The following MRM3 variants were observed in gnomAD, a reference collection of about 807,000 sequenced individuals.
MRM3 encodes mitochondrial rRNA methyltransferase 3.
In MRM3, 26 loss-of-function variants were observed where a neutral mutation model predicts 29.4. The ratio of observed to expected loss-of-function variants is 0.89; its 90% confidence interval spans 0.65 to 1.23. MRM3 has a LOEUF of 1.23. Ranked by LOEUF, MRM3 falls within the 50% of genes most tolerant of loss-of-function variation. The probability of loss-of-function intolerance (pLI) is 0.00; values close to 1 mark genes in which losing one functional copy is unlikely to be tolerated. For missense variants in MRM3, 578 were observed against 540.2 expected, an observed-to-expected ratio of 1.07 and a Z score of -0.69; for synonymous variants, 225 against 219.0, an observed-to-expected ratio of 1.03 and a Z score of -0.24.
chr17:785,908 C>T (rs1910510210), intron 2 of MRM3, among the ~76,000 whole-genome samples: 1 of 152,122 alleles, frequency 6.6e-6, no homozygotes, highest in South Asian at 2.1e-4. Flanking sequence ...GTTGTAGAAA[C>T]AAGACAGTTA....
At position 787,782 on chromosome 17, in the gene MRM3, C is replaced by T. The variant is rs1252390868; in HGVS notation, c.560-183C>T. Among the ~76,000 whole-genome samples the T allele has an allele frequency of 6.6e-6, 1 of 152,234 alleles. No homozygotes were observed. The highest frequency in any genetic ancestry group is 2.4e-5 in the African/African-American group (1 of 41,454). On this transcript the variant is annotated intron_variant, in intron 2 of 3. Transcript: ENST00000304478. The surrounding 1 kb of genome is among the most constrained non-coding windows in gnomAD (Gnocchi z 4.1). Reference sequence around the variant, plus strand: ...CAGGCTGGTCTCGGACTCCTGACCTCAGGTGATCCACCCGCCTTGGCCTCC... The same window carrying T: ...CAGGCTGGTCTCGGACTCCTGACCTTAGGTGATCCACCCGCCTTGGCCTCC...
chr17:790,460 G>T, intron 3 of MRM3: 1 of 171,894 alleles, frequency 5.8e-6, no homozygotes, highest in Non-Finnish European at 1.3e-5. Flanking sequence ...GGCCTCCTCC[G>T]TGTTGGCCTG....
Position 782,438 on chromosome 17 carries a change from G to A in MRM3, c.60G>A (p.Gln20=). 1 of 1,614,002 alleles carries A rather than the reference G, an allele frequency of 6.2e-7. No individual in the cohort carries two copies. The highest frequency in any genetic ancestry group is 8.5e-7 in the Non-Finnish European group (1 of 1,179,984). ...FVVRPLLQVV[Q]AWDLDARRWV... is the part of the protein sequence containing the mutation. ...TGCGACCGTTGCTGCAGGTGGTCCA[G>A]GCTTGGGACCTTGACGCGAGGCGCT... The change falls in exon 1 of 4, where the codon CAG becomes CAA. Residue 20 remains glutamine (Q), a synonymous_variant. Transcript: ENST00000304478.
chr17:783,014 C>A (rs1910242556), intron 1 of MRM3, 69 bp from the exon 2 acceptor site: 3 of 1,539,864 alleles, frequency 1.9e-6, no homozygotes, highest in South Asian at 1.2e-5. Flanking sequence ...ATTTCTGTTA[C>A]AACTAAGCGT....
chr17:791,674 T>G lies in MRM3; in HGVS notation c.868T>G (p.Cys290Gly), dbSNP rs754353581. 6 of 1,614,196 alleles carry G rather than the reference T, an allele frequency of 3.7e-6. No homozygotes were observed. The highest frequency in any genetic ancestry group is 3.4e-6 in the Non-Finnish European group (4 of 1,180,040). Residue 290 changes from cysteine to glycine, a missense_variant, in exon 4 of 4, where the codon TGT becomes GGT. Cys to Gly is a radical substitution (Grantham distance 159, BLOSUM62 -3). Coordinates refer to ENST00000304478, the MANE Select transcript of MRM3 (RefSeq NM_018146.4). ...CACTCGGGTCTATGTGGCTGACAACTGTGGCCTTTATGCCCAGGCTGAGAT... is the reference window on the plus strand; with the variant it reads ...CACTCGGGTCTATGTGGCTGACAACGGTGGCCTTTATGCCCAGGCTGAGAT... ...PDTRVYVADNCGLYAQAEMSN... is the reference protein window; with the variant it reads ...PDTRVYVADNGGLYAQAEMSN...
chr17:789,514 A>G (rs1567800632), intron 3 of MRM3, among the ~76,000 whole-genome samples: 1 of 152,296 alleles, frequency 6.6e-6, no homozygotes, highest in East Asian at 1.9e-4. Context: ...TGTCTCTTAC[A>G]CCTTGGGAGG....
At chr17:785,259 G>A (rs1198825414) in intron 2 of MRM3, among the ~76,000 whole-genome samples, 1 of 152,058 alleles carries the variant, frequency 6.6e-6, no homozygotes, top group Non-Finnish European at 1.5e-5. Context: ...ACACCCATGT[G>A]AATAACTTCA....
Position 792,258 on chromosome 17 carries a change from C to T in MRM3, c.*189C>T, listed in dbSNP as rs745799415. Reference sequence around the variant, plus strand: ...GGTCCGAATTCTTCCTGTCGCGTCACTGATTTTGAGGTTCTTTTTTCTCTT... The same window carrying T: ...GGTCCGAATTCTTCCTGTCGCGTCATTGATTTTGAGGTTCTTTTTTCTCTT... On this transcript the variant is annotated 3_prime_UTR_variant, in exon 4 of 4. Coordinates refer to ENST00000304478, the MANE Select transcript of MRM3 (RefSeq NM_018146.4). 5.2e-6 allele frequency: 3 copies of T among 576,186 alleles called. No individual in the cohort carries two copies. The highest frequency in any genetic ancestry group is 8.7e-6 in the Non-Finnish European group (3 of 343,784). The allele number at this position is 576,186 out of a possible 1,614,324, so 35.7% of individuals were successfully genotyped here.
Position 782,693 on chromosome 17 carries a change from G to A in MRM3, c.314+1G>A. The A allele has an allele frequency of 1.9e-6, 3 of 1,596,302 alleles. No homozygotes were observed. Among genetic ancestry groups the A allele is most frequent in the Non-Finnish European group, 8.6e-7 (1 of 1,167,280 alleles). ...CTTATCCCGGGGACAGGAGGCTGAGGTGATGTGGTTCTTGAGCCTGTCGAA... is the reference window on the plus strand; with the variant it reads ...CTTATCCCGGGGACAGGAGGCTGAGATGATGTGGTTCTTGAGCCTGTCGAA... On this transcript the variant is annotated splice_donor_variant, in intron 1 of 3. Transcript: ENST00000304478. LOFTEE classifies it high-confidence loss of function.
rs543556679 is a variant in MRM3 at position 791,568 on chromosome 17, G to A, written c.762G>A (p.Arg254=). The A allele has an allele frequency of 2.4e-4, 383 of 1,614,112 alleles. 4 individuals carry two copies. In the South Asian group the frequency reaches 4.0e-3, roughly 17 times the overall value. ...CVDAWEPKVL[R]AGMGAHFRMP... is the part of the protein sequence containing the mutation. Reference sequence around the variant, plus strand: ...ATGCCTGGGAGCCCAAAGTGCTCCGGGCGGGTATGGGCGCACATTTCCGGA... The same window carrying A: ...ATGCCTGGGAGCCCAAAGTGCTCCGAGCGGGTATGGGCGCACATTTCCGGA... Residue 254 remains arginine, a synonymous_variant, in exon 4 of 4, where the codon CGG becomes CGA. Transcript: ENST00000304478.
chr17:788,331 C>T, intron 3 of MRM3, 199 bp downstream of exon 3: 3 of 542,272 alleles, frequency 5.5e-6, no homozygotes, highest in Non-Finnish European at 9.7e-6. Flanking sequence ...ACTTGGGAGG[C>T]TGAGGTGGGA....
intron 1 of MRM3, 53 bp downstream of exon 1, chr17:782,745 A>G: frequency 2.6e-6 from 4 of 1,536,632 alleles, no homozygotes; most frequent in Non-Finnish European, 3.5e-6. Flanking sequence ...CCCGTCGCAC[A>G]GCGGAACCTT....
chr17:782,675 C>T lies in MRM3; in HGVS notation c.297C>T (p.Pro99=), dbSNP rs140228913. Residue 99 remains proline (P), a synonymous_variant, in exon 1 of 4, where the codon CCC becomes CCT. Transcript: ENST00000304478. Reference sequence around the variant, plus strand: ...GGCTTCGCTACGATAAAGCTTATCCCGGGGACAGGAGGCTGAGGTGATGTG... The same window carrying T: ...GGCTTCGCTACGATAAAGCTTATCCTGGGGACAGGAGGCTGAGGTGATGTG... ...ESGLRYDKAY[P]GDRRLSSVMT... is the part of the protein sequence containing the mutation. 21 of 1,604,708 alleles carry T rather than the reference C, an allele frequency of 1.3e-5. No individual in the cohort carries two copies. The highest frequency in any genetic ancestry group is 1.6e-5 in the Non-Finnish European group (19 of 1,173,040).
intron 2 of MRM3, chr17:783,648 A>T (rs1035801775): frequency 2.0e-5 from 4 of 202,702 alleles, no homozygotes; most frequent in Non-Finnish European, 4.1e-5. Context: ...TACACAGTGT[A>T]TCTTAAGGTG....
rs959345917 is a variant in MRM3, at chr17:787,860, A to G, written c.560-105A>G. On this transcript the variant is annotated intron_variant, in intron 2 of 3. Coordinates refer to ENST00000304478, the MANE Select transcript of MRM3 (RefSeq NM_018146.4). This position sits in a 1 kb window ranked among gnomAD's most constrained non-coding sequence, Gnocchi z 4.1. The stretch of plus-strand genomic sequence containing the variant: ...CAGTACACCTGGCCTGTATTCCTGT[A>G]TTTTTATGTAACTAAGACCATATCA... 9.1e-6 allele frequency: 11 copies of G among 1,210,006 alleles called. No homozygotes were observed. The highest frequency in any genetic ancestry group is 1.9e-5 in the Admixed American group (1 of 53,704). 75.0% of individuals were successfully genotyped at this position (1,210,006 alleles called of 1,614,324 possible). A position where few individuals can be genotyped will look rare whatever the true frequency, so the allele number is the denominator to read the frequency against.
At chr17:789,420 C>T (rs901400095) in intron 3 of MRM3, among the ~76,000 whole-genome samples, 3 of 152,206 alleles carry the variant, frequency 2.0e-5, no homozygotes, top group Admixed American at 6.5e-5. Flanking sequence ...CGCCTCATTA[C>T]ATTTCTGTCT....
intron 3 of MRM3, 145 bp downstream of exon 3, chr17:788,277 A>G (rs1382049473): frequency 1.7e-5 from 13 of 756,614 alleles, no homozygotes; most frequent in South Asian, 5.5e-5. Flanking sequence ...AAAAAACTAC[A>G]ATTAGCTGGG....
rs574645096 is a variant in MRM3, at chr17:785,552, C to T, written c.559+2225C>T. On this transcript the variant is annotated intron_variant, in intron 2 of 3. Coordinates refer to ENST00000304478, the MANE Select transcript of MRM3 (RefSeq NM_018146.4). ...CCTTTGTATTAGACTGAGGACAGAGCGGTCGCCAGTAAGTGGCTGTACCCA... is the reference window on the plus strand; with the variant it reads ...CCTTTGTATTAGACTGAGGACAGAGTGGTCGCCAGTAAGTGGCTGTACCCA... Among the ~76,000 whole-genome samples, 9 of 152,178 alleles carry T rather than the reference C, an allele frequency of 5.9e-5. No individual in the cohort carries two copies. The South Asian group carries it at 1.9e-3, about 32-fold the overall frequency.
intron 1 of MRM3, 119 bp from the exon 2 acceptor site, chr17:782,964 A>G: frequency 2.1e-6 from 3 of 1,401,480 alleles, no homozygotes; most frequent in Non-Finnish European, 1.9e-6. Context: ...CTGGGATTAC[A>G]GGCGTGAGCC....
Sources: allele counts gnomAD v4.1 joint callset (sites outside exome capture counted in the v4.1 genomes callset), GRCh38; gene constraint gnomAD v4.1.1; non-coding constraint Gnocchi (gnomAD v3.1); transcripts MANE v1.5; gene names NCBI Gene and HGNC (gene_info 2026-07-23, HGNC 2026-07-21).